RBFOX1: variants seen among roughly 807,000 people sequenced by gnomAD.
RBFOX1 encodes the protein RNA binding protein fox-1 homolog 1.
In RBFOX1, 8 loss-of-function variants were observed where a neutral mutation model predicts 57.7. The ratio of observed to expected loss-of-function variants is 0.14; its 90% CI spans 0.08 to 0.25. The LOEUF is 0.25. Among genes scored for constraint, RBFOX1 ranks in the 10% least tolerant of loss-of-function variants. The pLI, the probability that RBFOX1 is intolerant of heterozygous loss-of-function variation, is 1.00. For missense variants in RBFOX1, 611 were observed against 548.5 expected, an observed-to-expected ratio of 1.11 and a Z score of -1.14; for synonymous variants, 326 against 222.4, an observed-to-expected ratio of 1.47 and a Z score of -4.15.
chr16:6,880,217 C>T (rs986025221), intron 3 of RBFOX1, among the ~76,000 whole-genome samples: 7 of 140,702 alleles, frequency 5.0e-5, no homozygotes, highest in Middle Eastern at 7.8e-3. Context: ...GCAAAATTTT[C>T]CACCGGGGGG....
chr16:5,499,952 A>C (rs2043129876), intron 2 of RBFOX1, among the ~76,000 whole-genome samples: 1 of 152,096 alleles, frequency 6.6e-6, no homozygotes, highest in Non-Finnish European at 1.5e-5. Context: ...GCAGATATTT[A>C]TTTCGTATCT....
At chr16:6,936,843 C>T (rs1051429506) in intron 3 of RBFOX1, among the ~76,000 whole-genome samples, 11 of 150,006 alleles carry the variant, frequency 7.3e-5, no homozygotes, top group Admixed American at 2.7e-4. Flanking sequence ...TGCTCAAAAA[C>T]AGTGTATTTT....
At chr16:7,006,687 A>T (rs573977078) in intron 3 of RBFOX1, among the ~76,000 whole-genome samples, 1 of 152,264 alleles carries the variant, frequency 6.6e-6, no homozygotes, top group East Asian at 1.9e-4. Flanking sequence ...GACTCAAGTG[A>T]TCGTCCTTCC....
At chr16:6,106,080 G>A (rs891439955) in intron 1 of RBFOX1, among the ~76,000 whole-genome samples, 1 of 151,808 alleles carries the variant, frequency 6.6e-6, no homozygotes, top group African/African-American at 2.4e-5. Flanking sequence ...TTCCTTCAAT[G>A]GCTCTTAAAA....
At chr16:7,412,611 C>G (rs1239191128) in intron 4 of RBFOX1, among the ~76,000 whole-genome samples, 4 of 152,196 alleles carry the variant, frequency 2.6e-5, no homozygotes, top group South Asian at 2.1e-4. Context: ...TATAGCGTTT[C>G]TCACTTAGTA....
At chr16:6,339,281 C>A (rs142586179) in intron 2 of RBFOX1, among the ~76,000 whole-genome samples, 5 of 152,176 alleles carry the variant, frequency 3.3e-5, no homozygotes, top group Non-Finnish European at 4.4e-5. Context: ...AGCAACCCAA[C>A]CTGAGTCAAT....
intron 3 of RBFOX1, among the ~76,000 whole-genome samples, chr16:7,018,378 T>G (rs1275546195): frequency 1.3e-5 from 2 of 152,218 alleles, no homozygotes; most frequent in Non-Finnish European, 2.9e-5. Context: ...TACTTCTTTC[T>G]AGATGCTTCT....
At chr16:5,565,495 C>T (rs1250409008) in intron 2 of RBFOX1, among the ~76,000 whole-genome samples, 1 of 151,950 alleles carries the variant, frequency 6.6e-6, no homozygotes, top group Non-Finnish European at 1.5e-5. Flanking sequence ...CATGGTGGCA[C>T]CTGCGTATAA....
intron 3 of RBFOX1, among the ~76,000 whole-genome samples, chr16:6,928,087 T>A (rs2075928710): frequency 6.6e-6 from 1 of 152,156 alleles, no homozygotes; most frequent in South Asian, 2.1e-4. Context: ...AGCTGCTTCT[T>A]TACTTTGGTT....
chr16:5,752,747 T>A (rs1342498785), intron 3 of RBFOX1, among the ~76,000 whole-genome samples: 1 of 152,176 alleles, frequency 6.6e-6, no homozygotes, highest in African/African-American at 2.4e-5. Context: ...CTGAGTAATT[T>A]TGCCAAGCCT....
chr16:7,521,803 A>G (rs2077563024), intron 5 of RBFOX1, among the ~76,000 whole-genome samples: 1 of 152,192 alleles, frequency 6.6e-6, no homozygotes, highest in South Asian at 2.1e-4. Context: ...CTCAGTAGGA[A>G]GCATGTTGGC....
At chr16:6,437,244 C>T (rs1005267305) in intron 2 of RBFOX1, among the ~76,000 whole-genome samples, 8 of 152,158 alleles carry the variant, frequency 5.3e-5, no homozygotes, top group Non-Finnish European at 1.2e-4. Context: ...TCACATACTC[C>T]AGTAATTCCC....
intron 4 of RBFOX1, among the ~76,000 whole-genome samples, chr16:7,143,683 C>A (rs1231959927): frequency 6.6e-6 from 1 of 152,092 alleles, no homozygotes; most frequent in Admixed American, 6.5e-5. Context: ...AGATACGATC[C>A]TCAGCATTAA....
intron 1 of RBFOX1, among the ~76,000 whole-genome samples, chr16:6,185,243 T>C (rs1213060492): frequency 6.6e-6 from 1 of 152,228 alleles, no homozygotes; most frequent in Admixed American, 6.5e-5. Context: ...TGTCACTCTC[T>C]TTCTCTGATT....
At chr16:6,436,045 T>A (rs1280358249) in intron 2 of RBFOX1, among the ~76,000 whole-genome samples, 1 of 152,100 alleles carries the variant, frequency 6.6e-6, no homozygotes, top group African/African-American at 2.4e-5. Context: ...AAAATCTGCA[T>A]TTTCAACACA....
chr16:5,850,473 G>A (rs1353537748), intron 3 of RBFOX1, among the ~76,000 whole-genome samples: 1 of 152,192 alleles, frequency 6.6e-6, no homozygotes, highest in African/African-American at 2.4e-5. Flanking sequence ...ACTGTGCTAG[G>A]TTCTCTAACA....
rs1170936027 is a variant in RBFOX1, at chr16:7,062,893, A to ATTTTTTT, written c.27+10824_27+10830dup. On this transcript the variant is annotated intron_variant, in intron 4 of 15. Transcript: ENST00000550418. Reference sequence around the variant, plus strand: ...ACCTCATCTCATTCAAATGATCGCCATTTTTTTTTTTTTTTTTTTTTTTTT... The same window carrying ATTTTTTT: ...ACCTCATCTCATTCAAATGATCGCCATTTTTTTTTTTTTTTTTTTTTTTTTTTTTTTT... Among the ~76,000 whole-genome samples, 97 of 47,192 alleles carry ATTTTTTT rather than the reference A, an allele frequency of 2.1e-3. 1 individual carries two copies. Among genetic ancestry groups the ATTTTTTT allele is most frequent in the Admixed American group, 2.4e-3 (8 of 3,282 alleles). The allele number at this position is 47,192 out of a possible 152,430, so 31.0% of individuals were successfully genotyped here.
At chr16:7,251,415 T>TTC (rs2094495463) in intron 4 of RBFOX1, among the ~76,000 whole-genome samples, 1 of 147,674 alleles carries the variant, frequency 6.8e-6, no homozygotes, top group African/African-American at 2.5e-5. Flanking sequence ...GTTTTTTTTT[T>TTC]TTTTTTCTGT....
chr16:7,072,338 T>C (rs2057496020), intron 4 of RBFOX1, among the ~76,000 whole-genome samples: 1 of 152,212 alleles, frequency 6.6e-6, no homozygotes, highest in Non-Finnish European at 1.5e-5. Flanking sequence ...TTCCTTACGC[T>C]TACCCACAAT....
Sources: gnomAD v4.1 joint callset for allele counts (sites outside exome capture counted in the v4.1 genomes callset) on GRCh38, gnomAD v4.1.1 for gene constraint, MANE v1.5 for transcripts, NCBI Gene and HGNC (gene_info 2026-07-23, HGNC 2026-07-21) for gene names.